The following MAP1B variants were observed in gnomAD, a reference collection of about 807,000 sequenced individuals.
MAP1B encodes the protein microtubule associated protein 1B, also known as microtubule-associated protein 1B.
Under a neutral mutation model 176.1 loss-of-function variants are expected in MAP1B, and 12 were observed. That is an observed-to-expected ratio of 0.07 (90% CI 0.04 to 0.11). MAP1B has a LOEUF of 0.11. MAP1B is among the 10% of genes least tolerant of loss of function. The pLI, the probability that MAP1B is intolerant of heterozygous loss-of-function variation, is 1.00. For missense variants in MAP1B, 2,523 were observed against 2,990.5 expected, an observed-to-expected ratio of 0.84 and a Z score of 3.65; for synonymous variants, 1,044 against 1,135.0, an observed-to-expected ratio of 0.92 and a Z score of 1.61.
intron 2 of MAP1B, among the ~76,000 whole-genome samples, chr5:72,159,842 T>A (rs1291439998): frequency 1.3e-5 from 2 of 152,192 alleles, no homozygotes; most frequent in African/African-American, 4.8e-5. Context: ...GACAGAATAG[T>A]GTGAGATCCA....
intron 2 of MAP1B, among the ~76,000 whole-genome samples, chr5:72,140,695 C>T (rs1745932019): frequency 6.6e-6 from 1 of 152,110 alleles, no homozygotes; most frequent in South Asian, 2.1e-4. Flanking sequence ...CAGTGTTTTC[C>T]AGCAAGAAGA....
chr5:72,197,632 A>G lies in MAP1B; in HGVS notation c.4277A>G (p.Glu1426Gly). 3.1e-6 allele frequency: 5 copies of G among 1,614,218 alleles called. No homozygotes were observed. The highest frequency in any genetic ancestry group is 4.2e-6 in the Non-Finnish European group (5 of 1,180,046). The change falls in exon 5 of 7, where the codon GAA becomes GGA. Residue 1426 changes from glutamate (E) to glycine (G), a missense_variant. Glu to Gly is a moderately conservative substitution (Grantham distance 98). This residue lies in a region of MAP1B where 1,925 missense variants were observed against 2,126.0 expected (regional missense o/e 0.91). Transcript: ENST00000296755. Reference sequence around the variant, plus strand: ...GACAAGGCTTCTGGCAGAGGTGCCGAAAGTCCTTTTGAAGAAAAGAGTGGA... The same window carrying G: ...GACAAGGCTTCTGGCAGAGGTGCCGGAAGTCCTTTTGAAGAAAAGAGTGGA... ...ADDKASGRGAESPFEEKSGKQ... is the reference protein window; with the variant it reads ...ADDKASGRGAGSPFEEKSGKQ...
intron 2 of MAP1B, among the ~76,000 whole-genome samples, chr5:72,180,089 G>A (rs1382954984): frequency 6.6e-6 from 1 of 152,096 alleles, no homozygotes; most frequent in Non-Finnish European, 1.5e-5. Flanking sequence ...GGCTGCTGTC[G>A]CCTGGACATG....
At chr5:72,143,986 G>A (rs572171576) in intron 2 of MAP1B, among the ~76,000 whole-genome samples, 159 of 152,192 alleles carry the variant, frequency 1.0e-3, no homozygotes, top group African/African-American at 3.6e-3. Flanking sequence ...GTCACGTGGC[G>A]TGTTCTCCCT....
intron 2 of MAP1B, among the ~76,000 whole-genome samples, chr5:72,122,005 C>G (rs985742262): frequency 1.3e-5 from 2 of 152,222 alleles, no homozygotes; most frequent in Non-Finnish European, 2.9e-5. Flanking sequence ...TGTCCCCATG[C>G]CTGTGAGGCT....
chr5:72,136,447 T>C (rs527242682), intron 2 of MAP1B, among the ~76,000 whole-genome samples: 35 of 152,262 alleles, frequency 2.3e-4, no homozygotes, highest in African/African-American at 7.2e-4. Flanking sequence ...AGGGCCTCAA[T>C]TGTGTCCTCT....
chr5:72,205,159 C>T lies in MAP1B; in HGVS notation c.7327C>T (p.Leu2443Phe), dbSNP rs1479446407. ...YQETHEKQQD[L>F]NIMVLASSST... The stretch of plus-strand genomic sequence containing the variant: ...GGAGACCCATGAGAAACAGCAAGAT[C>T]TCAACATCATGGTTTTAGCAAGCAG... Residue 2443 changes from leucine (L) to phenylalanine (F), a missense_variant, in exon 7 of 7, where the codon CTC (leucine) becomes TTC (phenylalanine). Physicochemically the swap from Leu to Phe is conservative, Grantham distance 22. Around this residue, in one of 4 missense-constraint regions of MAP1B, gnomAD observed 287 missense variants for 401.5 expected, o/e 0.71. Transcript: ENST00000296755. 10 of 1,613,828 alleles carry T rather than the reference C, an allele frequency of 6.2e-6. No homozygotes were observed. The highest frequency in any genetic ancestry group is 8.5e-6 in the Non-Finnish European group (10 of 1,179,890).
At chr5:72,193,756 C>T in intron 4 of MAP1B, 110 bp from the exon 5 acceptor site, 1 of 1,217,180 alleles carries the variant, frequency 8.2e-7, no homozygotes, top group Non-Finnish European at 1.1e-6. Flanking sequence ...TGAAACTGGT[C>T]CTATGTGCAT....
At chr5:72,132,652 A>C (rs1438846718) in intron 2 of MAP1B, among the ~76,000 whole-genome samples, 1 of 152,042 alleles carries the variant, frequency 6.6e-6, no homozygotes, top group Non-Finnish European at 1.5e-5. Context: ...CTTCTTTCTA[A>C]ATCTCTGCCT....
chr5:72,134,806 G>T (rs192672859), intron 2 of MAP1B, among the ~76,000 whole-genome samples: 307 of 151,480 alleles, frequency 2.0e-3, no homozygotes, highest in African/African-American at 7.1e-3. Flanking sequence ...GGAAGGCAGA[G>T]ACTTGGCCAC....
At chr5:72,131,403 C>T (rs765643066) in intron 2 of MAP1B, among the ~76,000 whole-genome samples, 68 of 152,034 alleles carry the variant, frequency 4.5e-4, no homozygotes, top group African/African-American at 1.3e-3. Flanking sequence ...GTATAGAGTA[C>T]GCAGATTTAT....
At chr5:72,142,433 C>A (rs1416441675) in intron 2 of MAP1B, among the ~76,000 whole-genome samples, 1 of 152,082 alleles carries the variant, frequency 6.6e-6, no homozygotes, top group Non-Finnish European at 1.5e-5. Context: ...ACAGTGAAGA[C>A]CTGAAACCTC....
At chr5:72,115,044 G>GGT (rs1396962119) in intron 1 of MAP1B, among the ~76,000 whole-genome samples, 1 of 152,172 alleles carries the variant, frequency 6.6e-6, no homozygotes, top group Non-Finnish European at 1.5e-5. Flanking sequence ...AAGCTACTCA[G>GGT]GTAACAGAAA....
intron 4 of MAP1B, among the ~76,000 whole-genome samples, chr5:72,190,105 A>G (rs1362610735): frequency 2.0e-5 from 3 of 152,190 alleles, no homozygotes; most frequent in Non-Finnish European, 2.9e-5. Context: ...TCATTTGACC[A>G]GGTTAGGATT....
intron 2 of MAP1B, among the ~76,000 whole-genome samples, chr5:72,158,183 T>C (rs752526794): frequency 6.6e-6 from 1 of 151,400 alleles, no homozygotes; most frequent in Non-Finnish European, 1.5e-5. Flanking sequence ...TAATTTTTTG[T>C]ATTTTTAGTA....
At chr5:72,138,736 AG>A (rs903333558) in intron 2 of MAP1B, among the ~76,000 whole-genome samples, 2 of 152,214 alleles carry the variant, frequency 1.3e-5, no homozygotes, top group African/African-American at 4.8e-5. Flanking sequence ...TGTAATGTTG[AG>A]TGACAAGGGA....
chr5:72,189,475 T>G (rs1746980046), intron 4 of MAP1B, among the ~76,000 whole-genome samples: 1 of 152,188 alleles, frequency 6.6e-6, no homozygotes, highest in African/African-American at 2.4e-5. Context: ...TCATCTTCAG[T>G]TTTACCCACA....
At chr5:72,176,732 A>G (rs1746660451) in intron 2 of MAP1B, among the ~76,000 whole-genome samples, 1 of 152,176 alleles carries the variant, frequency 6.6e-6, no homozygotes, top group Non-Finnish European at 1.5e-5. Flanking sequence ...ACGTGCTCCA[A>G]TGTGTGCATG....
chr5:72,177,983 T>C (rs1481264149), intron 2 of MAP1B, among the ~76,000 whole-genome samples: 3 of 152,032 alleles, frequency 2.0e-5, no homozygotes, highest in Non-Finnish European at 4.4e-5. Context: ...CCTTCTCTTC[T>C]TCCTTCTAAT....
Sources: gnomAD v4.1 joint callset for allele counts (sites outside exome capture counted in the v4.1 genomes callset) on GRCh38, gnomAD v4.1.1 for gene constraint, gnomAD v4.1.1 regional missense constraint, MANE v1.5 for transcripts, NCBI Gene and HGNC (gene_info 2026-07-23, HGNC 2026-07-21) for gene names.